FAM20A: variants seen among roughly 807,000 people sequenced by gnomAD.
FAM20A encodes the protein FAM20A golgi associated secretory pathway pseudokinase.
In FAM20A, 42 loss-of-function variants were observed where a neutral mutation model predicts 52.0. The observed-to-expected ratio is 0.81, with a 90% CI of 0.63 to 1.04. The LOEUF (loss-of-function observed/expected upper bound fraction) is 1.04. Ranked by LOEUF, FAM20A falls within the 50% of genes least tolerant of loss-of-function variation. The pLI is 0.00. For missense variants in FAM20A, 742 were observed against 712.7 expected, an observed-to-expected ratio of 1.04 and a Z score of -0.47; for synonymous variants, 304 against 298.9, an observed-to-expected ratio of 1.02 and a Z score of -0.18.
intron 2 of FAM20A, among the ~76,000 whole-genome samples, chr17:68,555,316 T>C (rs78654903): frequency 5.9e-5 from 9 of 152,320 alleles, no homozygotes; most frequent in Admixed American, 1.3e-4. Context: ...CAACACTCAA[T>C]AAATGGTAGC....
intron 1 of FAM20A, among the ~76,000 whole-genome samples, chr17:68,562,616 C>A (rs1289501930): frequency 2.0e-5 from 3 of 151,864 alleles, no homozygotes; most frequent in African/African-American, 2.4e-5. Flanking sequence ...TTCCATCCCC[C>A]CCCCTTTTTA....
chr17:68,549,011 C>T (rs1306795233), intron 4 of FAM20A, among the ~76,000 whole-genome samples: 3 of 152,006 alleles, frequency 2.0e-5, no homozygotes, highest in South Asian at 2.1e-4. Flanking sequence ...GGATTACAGG[C>T]GTGAGCCACC....
At chr17:68,550,151 G>A (rs1401292415) in intron 4 of FAM20A, among the ~76,000 whole-genome samples, 1 of 152,140 alleles carries the variant, frequency 6.6e-6, no homozygotes, top group African/African-American at 2.4e-5. Flanking sequence ...GACTCTAAGT[G>A]ATGATGACAA....
rs925326410 is a variant in FAM20A at position 68,542,632 on chromosome 17, G to A, written c.928+62C>T. The stretch of plus-strand genomic sequence containing the variant: ...GGTGTCAGGCCACTGATGAATGGAG[G>A]GGTGGACACTCTGGCTTACGATCTA... On this transcript the variant is annotated intron_variant, in intron 6 of 10. Transcript: ENST00000592554. 4.0e-6 allele frequency: 5 copies of A among 1,239,286 alleles called. No homozygotes were observed. In the African/African-American group the frequency reaches 7.4e-5, roughly 18 times the overall value. 76.8% of individuals were successfully genotyped at this position (1,239,286 alleles called of 1,614,324 possible). A position where few individuals can be genotyped will look rare whatever the true frequency, so the allele number is the denominator to read the frequency against.
At chr17:68,569,057 T>C (rs190221654) in intron 1 of FAM20A, among the ~76,000 whole-genome samples, 1 of 149,766 alleles carries the variant, frequency 6.7e-6, no homozygotes, top group Non-Finnish European at 1.5e-5. Flanking sequence ...CATTAAACAC[T>C]ACAATTCTGA....
intron 7 of FAM20A, chr17:68,541,218 G>A (rs1408949539): frequency 1.7e-5 from 8 of 473,852 alleles, no homozygotes; most frequent in African/African-American, 7.9e-5. Context: ...GGGAGAGGCC[G>A]GGGCAGGCAG....
rs771109217 is a variant in FAM20A, at chr17:68,600,250, G to T, written c.404+13C>A. 2.0e-5 allele frequency: 31 copies of T among 1,555,420 alleles called. No homozygotes were observed. Among genetic ancestry groups the T allele is most frequent in the Non-Finnish European group, 2.7e-5 (31 of 1,150,014 alleles). ...GAGCGCCCGCTCTCCCGCGTCCCGGGCGGGGTCCTCACCTGTTCCAGCGGG... is the reference window on the plus strand; with the variant it reads ...GAGCGCCCGCTCTCCCGCGTCCCGGTCGGGGTCCTCACCTGTTCCAGCGGG... On this transcript the variant is annotated intron_variant, in intron 1 of 10. Transcript: ENST00000592554. The surrounding 1 kb of genome is among the most constrained non-coding windows in gnomAD (Gnocchi z 6.2).
chr17:68,559,932 A>G (rs753040096), intron 1 of FAM20A, among the ~76,000 whole-genome samples: 2 of 152,194 alleles, frequency 1.3e-5, no homozygotes, highest in South Asian at 4.1e-4. Context: ...ATTCCAGTGT[A>G]TGAAAATCAC....
intron 1 of FAM20A, among the ~76,000 whole-genome samples, chr17:68,580,860 C>T (rs138836433): frequency 2.8e-3 from 433 of 152,280 alleles, no homozygotes; most frequent in African/African-American, 9.7e-3. Flanking sequence ...TTATTACCAC[C>T]ATTGTAAACA....
intron 1 of FAM20A, among the ~76,000 whole-genome samples, chr17:68,581,407 T>C (rs1477395958): frequency 6.8e-6 from 1 of 147,500 alleles, no homozygotes; most frequent in Non-Finnish European, 1.5e-5. Flanking sequence ...TCTTTCTTTC[T>C]TTCTTTCTTT....
chr17:68,590,448 GAA>G (rs1017649601), intron 1 of FAM20A: 3 of 152,044 alleles, frequency 2.0e-5, no homozygotes, highest in Non-Finnish European at 2.9e-5. Context: ...ACCCGTGGGA[GAA>G]AGAGACATGA....
intron 1 of FAM20A, among the ~76,000 whole-genome samples, chr17:68,581,297 ACT>A (rs2087938173): frequency 6.6e-6 from 1 of 151,528 alleles, no homozygotes; most frequent in Non-Finnish European, 1.5e-5. Flanking sequence ...ATAAAGTTAA[ACT>A]CAGTGTTGAG....
rs7219876 is a variant in FAM20A at position 68,554,869 on chromosome 17, T to C, written c.590-42A>G. 5.3e-3 allele frequency: 8,570 copies of C among 1,602,982 alleles called. 432 individuals are homozygous for C. The African/African-American group carries it at 0.1, about 19-fold the overall frequency. ...GGGCAATGAGAACTTCCAGTCTTGT[T>C]CCTGGGAGAGCCTACAACATGGAGG... is the stretch of plus-strand genomic sequence containing the variant. On this transcript the variant is annotated intron_variant, in intron 2 of 10. Transcript: ENST00000592554.
intron 1 of FAM20A, among the ~76,000 whole-genome samples, chr17:68,565,383 C>CTTTTTTTTTTTTTTTTTTTTTTTTT (rs796800181): frequency 9.6e-6 from 1 of 103,780 alleles, no homozygotes; most frequent in African/African-American, 4.4e-5. Flanking sequence ...CCATTACCTC[C>CTTTTTTTTTTTTTTTTTTTTTTTTT]TTTTTTTTTT....
At chr17:68,539,268 C>T in intron 10 of FAM20A, 69 bp downstream of exon 10, 1 of 1,536,152 alleles carries the variant, frequency 6.5e-7, no homozygotes, top group East Asian at 2.3e-5. Context: ...CCCTTCAGAC[C>T]TTGGCTGCAA....
chr17:68,577,783 A>C (rs2087815469), intron 1 of FAM20A, among the ~76,000 whole-genome samples: 1 of 152,160 alleles, frequency 6.6e-6, no homozygotes, highest in Admixed American at 6.5e-5. Context: ...CACAGCCAAA[A>C]ATTAAAAATG....
chr17:68,585,841 T>C (rs1480059689), intron 1 of FAM20A, among the ~76,000 whole-genome samples: 2 of 152,154 alleles, frequency 1.3e-5, no homozygotes, highest in African/African-American at 4.8e-5. Flanking sequence ...CTGAGAGCCA[T>C]TGCTGGGTAA....
chr17:68,551,523 T>C (rs1015557030), intron 4 of FAM20A, among the ~76,000 whole-genome samples: 3 of 151,916 alleles, frequency 2.0e-5, no homozygotes, highest in Non-Finnish European at 4.4e-5. Context: ...AGCTGGAAGA[T>C]TGGGATGAGA....
chr17:68,535,660 T>A lies in FAM20A; in HGVS notation c.*1817A>T. On this transcript the variant is annotated 3_prime_UTR_variant, in exon 11 of 11. Transcript: ENST00000592554. ...AGGTTTCTCTGTTAAAGAGTTGATT[T>A]AAAAAAAAATTTTTTTTTTTTTGTA... 1 of 447,536 alleles carries A rather than the reference T, an allele frequency of 2.2e-6. No homozygotes were observed. The allele number at this position is 447,536 out of a possible 1,614,324, so 27.7% of individuals were successfully genotyped here. A position where few individuals can be genotyped will look rare whatever the true frequency, so the allele number is the denominator to read the frequency against.
Sources: allele counts gnomAD v4.1 joint callset (sites outside exome capture counted in the v4.1 genomes callset), GRCh38; gene constraint gnomAD v4.1.1; non-coding constraint Gnocchi (gnomAD v3.1); transcripts MANE v1.5; gene names NCBI Gene and HGNC (gene_info 2026-07-23, HGNC 2026-07-21).